The following SLC9A8 variants were observed in gnomAD, a reference collection of about 807,000 sequenced individuals.
The protein encoded by SLC9A8 is solute carrier family 9 member A8, also known as sodium/hydrogen exchanger 8.
Under a neutral mutation model 66.6 loss-of-function variants are expected in SLC9A8, and 48 were observed. The observed-to-expected ratio is 0.72, with a 90% confidence interval of 0.57 to 0.92. The LOEUF (loss-of-function observed/expected upper bound fraction) is 0.92. SLC9A8 is among the 40% of genes least tolerant of loss of function. SLC9A8 has a pLI of 0.00. For synonymous variants in SLC9A8, 274 were observed against 282.6 expected (o/e 0.97, Z 0.31); for missense variants, 599 against 747.3 (o/e 0.80, Z 2.31).
At chr20:49,858,736 T>C (rs1466512155) in intron 8 of SLC9A8, among the ~76,000 whole-genome samples, 1 of 151,972 alleles carries the variant, frequency 6.6e-6, no homozygotes, top group Non-Finnish European at 1.5e-5. Flanking sequence ...GGCAGGTGGA[T>C]CACCTGAGGT....
At chr20:49,834,187 A>C (rs6063439) in intron 3 of SLC9A8, among the ~76,000 whole-genome samples, 2,917 of 32,612 alleles carry the variant, frequency 0.089, 53 homozygotes, top group African/African-American at 0.12. Context: ...CTCTCTCTCT[A>C]TATATATATA....
intron 3 of SLC9A8, among the ~76,000 whole-genome samples, chr20:49,827,378 A>G (rs896772638): frequency 3.3e-4 from 50 of 151,388 alleles, no homozygotes; most frequent in Non-Finnish European, 6.1e-4. Flanking sequence ...CGAGGCGGGC[A>G]GATCACCTGA....
At chr20:49,820,166 G>C (rs553374263) in intron 2 of SLC9A8, among the ~76,000 whole-genome samples, 155 of 152,266 alleles carry the variant, frequency 1.0e-3, no homozygotes, top group Non-Finnish European at 1.9e-3. Context: ...GTTTCTCCAT[G>C]TTCTTGCGAA....
chr20:49,855,022 A>G (rs2088412096), intron 7 of SLC9A8, among the ~76,000 whole-genome samples: 1 of 152,188 alleles, frequency 6.6e-6, no homozygotes, highest in Non-Finnish European at 1.5e-5. Flanking sequence ...ATCTGAGTGC[A>G]GGCTGGGGTC....
At chr20:49,884,241 CGA>C (rs1491585968) in intron 14 of SLC9A8, 175 bp downstream of exon 14, 3 of 137,490 alleles carry the variant, frequency 2.2e-5, no homozygotes, top group African/African-American at 8.9e-5. Flanking sequence ...CACACACACA[CGA>C]CACACACACA....
chr20:49,851,375 A>T (rs1008848230), intron 7 of SLC9A8, among the ~76,000 whole-genome samples: 22 of 152,176 alleles, frequency 1.4e-4, no homozygotes, highest in African/African-American at 5.1e-4. Flanking sequence ...ATTTCCCAGA[A>T]TTGCATAGTG....
chr20:49,849,476 A>T, intron 5 of SLC9A8, 103 bp from the exon 6 acceptor site: 1 of 864,666 alleles, frequency 1.2e-6, no homozygotes, highest in Non-Finnish European at 1.9e-6. Context: ...GGTGCCTTTT[A>T]CAGAGAATCA....
chr20:49,883,815 G>A, intron 13 of SLC9A8, 31 bp from the exon 14 acceptor site: 1 of 1,568,296 alleles, frequency 6.4e-7, no homozygotes, highest in Non-Finnish European at 8.7e-7. Context: ...CCTCTTCACT[G>A]TGTCCTCTCA....
In SLC9A8 at chr20:49,868,554, GC is replaced by G. The variant is rs562331267; in HGVS notation, c.958+3711del. Among the ~76,000 whole-genome samples the G allele has an allele frequency of 7.2e-5, 11 of 152,302 alleles. No homozygotes were observed. In the South Asian group the frequency reaches 2.3e-3, roughly 32 times the overall value. ...CTCAAGTGGTTCCCAAGACCATGGA[GC>G]AGGACATTCTCTTCCTAGGAAGTGG... On this transcript the variant is annotated intron_variant, in intron 10 of 15. Transcript: ENST00000361573.
intron 15 of SLC9A8, 124 bp from the exon 16 acceptor site, chr20:49,887,705 G>A (rs2089940511): frequency 1.5e-6 from 1 of 663,242 alleles, no homozygotes; most frequent in African/African-American, 1.8e-5. Flanking sequence ...GAAGTTGCCT[G>A]TGGCCATCAC....
chr20:49,835,988 G>A (rs1158696280), intron 3 of SLC9A8, among the ~76,000 whole-genome samples: 2 of 151,976 alleles, frequency 1.3e-5, no homozygotes, highest in South Asian at 2.1e-4. Context: ...CATTTTAAAT[G>A]TACAACAATT....
intron 14 of SLC9A8, 177 bp downstream of exon 14, chr20:49,884,243 A>ACACACACACACAC: frequency 1.3e-5 from 1 of 74,082 alleles, no homozygotes; most frequent in Admixed American, 2.1e-4. Context: ...CACACACACG[A>ACACACACACACAC]CACACACACA....
rs2090049354 is a variant in SLC9A8, at chr20:49,891,737, A to AACCAGAGCCTCAGGCTGGGATGG, written c.*3802_*3824dup. On this transcript the variant is annotated 3_prime_UTR_variant, in exon 16 of 16. Coordinates refer to ENST00000361573, the MANE Select transcript of SLC9A8 (RefSeq NM_015266.3). ...CAAAAGTCAGCTGCCAGCCCTGCGGAACCAGAGCCTCAGGCTGGGATGGGG... is the reference window on the plus strand; with the variant it reads ...CAAAAGTCAGCTGCCAGCCCTGCGGAACCAGAGCCTCAGGCTGGGATGGACCAGAGCCTCAGGCTGGGATGGGG... The AACCAGAGCCTCAGGCTGGGATGG allele has an allele frequency of 6.6e-6, 1 of 152,252 alleles. No homozygotes were observed. Among genetic ancestry groups the AACCAGAGCCTCAGGCTGGGATGG allele is most frequent in the Non-Finnish European group, 1.5e-5 (1 of 68,084 alleles). The allele number at this position is 152,252 out of a possible 1,614,324, so 9.4% of individuals were successfully genotyped here. A position where few individuals can be genotyped will look rare whatever the true frequency, so the allele number is the denominator to read the frequency against.
At chr20:49,825,816 C>T (rs2086894387) in intron 3 of SLC9A8, among the ~76,000 whole-genome samples, 1 of 152,218 alleles carries the variant, frequency 6.6e-6, no homozygotes, top group African/African-American at 2.4e-5. Context: ...CGCTGTCAGG[C>T]AGGCTCTCTC....
intron 10 of SLC9A8, among the ~76,000 whole-genome samples, chr20:49,873,790 A>T (rs2146718612): frequency 6.6e-6 from 1 of 151,392 alleles, no homozygotes; most frequent in Admixed American, 6.6e-5. Flanking sequence ...AAAAAAAAAA[A>T]AAAAAGAATC....
rs1469327712 is a variant in SLC9A8, at chr20:49,887,897, C to T, written c.1707C>T (p.Gly569=). 2.5e-6 allele frequency: 4 copies of T among 1,613,804 alleles called. No homozygotes were observed. The highest frequency in any genetic ancestry group is 2.5e-6 in the Non-Finnish European group (3 of 1,179,866). ...TNKWYEEVRQ[G]PSGSEDDEQE... The stretch of plus-strand genomic sequence containing the variant: ...AGTGGTACGAGGAGGTACGCCAGGG[C>T]CCCTCCGGCTCCGAGGACGACGAGC... The change falls in exon 16 of 16, where the codon GGC becomes GGT. Residue 569 remains glycine (G), a synonymous_variant. Coordinates refer to ENST00000361573, the MANE Select transcript of SLC9A8 (RefSeq NM_015266.3).
At chr20:49,842,330 A>G (rs777953413) in intron 4 of SLC9A8, among the ~76,000 whole-genome samples, 2 of 152,076 alleles carry the variant, frequency 1.3e-5, no homozygotes, top group Non-Finnish European at 2.9e-5. Context: ...GGCCTCCCAA[A>G]GTGCTGGGAT....
intron 7 of SLC9A8, among the ~76,000 whole-genome samples, chr20:49,851,762 A>G (rs1404354001): frequency 2.0e-5 from 3 of 152,208 alleles, no homozygotes; most frequent in South Asian, 2.1e-4. Context: ...GACAGTTTTG[A>G]TACATAAACA....
chr20:49,831,368 G>A (rs1289327877), intron 3 of SLC9A8, among the ~76,000 whole-genome samples: 4 of 151,644 alleles, frequency 2.6e-5, no homozygotes, highest in Non-Finnish European at 5.9e-5. Context: ...ACACACACGA[G>A]GAGGTGGCTG....
Sources: allele counts gnomAD v4.1 joint callset (sites outside exome capture counted in the v4.1 genomes callset), GRCh38; gene constraint gnomAD v4.1.1; transcripts MANE v1.5; gene names NCBI Gene and HGNC (gene_info 2026-07-23, HGNC 2026-07-21).